The following CACNA1B variants were observed in gnomAD, a reference collection of about 807,000 sequenced individuals.
The protein encoded by CACNA1B is voltage-dependent N-type calcium channel subunit alpha-1B.
In CACNA1B, 70 loss-of-function variants were observed where a neutral mutation model predicts 247.2. The ratio of observed to expected loss-of-function variants is 0.28; its 90% CI spans 0.23 to 0.35. CACNA1B has a LOEUF of 0.35. CACNA1B is among the 10% of genes least tolerant of loss of function. The probability of loss-of-function intolerance (pLI) is 1.00; values close to 1 mark genes in which losing one functional copy is unlikely to be tolerated. For synonymous variants in CACNA1B, 1,231 were observed against 1,294.4 expected, an observed-to-expected ratio of 0.95 and a Z score of 1.05; for missense variants, 2,367 against 3,197.4, an observed-to-expected ratio of 0.74 and a Z score of 6.26.
chr9:138,081,527 G>A (rs996867935), intron 36 of CACNA1B, among the ~76,000 whole-genome samples: 5 of 144,286 alleles, frequency 3.5e-5, no homozygotes, highest in African/African-American at 8.2e-5. Context: ...GCAGGACTTC[G>A]TTAGGTTGGG....
chr9:138,051,626 T>G lies in CACNA1B; in HGVS notation c.3711-466T>G, dbSNP rs965337118. On this transcript the variant is annotated intron_variant, in intron 24 of 46. Coordinates refer to ENST00000371372, the MANE Select transcript of CACNA1B (RefSeq NM_000718.4). This position sits in a 1 kb window ranked among gnomAD's most constrained non-coding sequence, Gnocchi z 4.3. The stretch of plus-strand genomic sequence containing the variant: ...TCAGCGGGAGGAATGTTAGGACGGC[T>G]GAGGAGATCTGTAGGGCAGAGGCCA... Among the ~76,000 whole-genome samples, 3 of 151,968 alleles carry G rather than the reference T, an allele frequency of 2.0e-5. No homozygotes were observed. Among genetic ancestry groups the G allele is most frequent in the African/African-American group, 7.3e-5 (3 of 41,364 alleles).
At chr9:137,912,424 G>A (rs1467363701) in intron 3 of CACNA1B, among the ~76,000 whole-genome samples, 4 of 152,244 alleles carry the variant, frequency 2.6e-5, no homozygotes, top group Admixed American at 6.5e-5. Flanking sequence ...GCTTGAGGTA[G>A]CATTTCAGTG....
chr9:138,090,723 A>AAAAAAAAAAAAAAAAAT (rs1960848699), intron 36 of CACNA1B, among the ~76,000 whole-genome samples: 1 of 149,132 alleles, frequency 6.7e-6, no homozygotes. Context: ...AAAAAAAAAA[A>AAAAAAAAAAAAAAAAAT]AAAAAAAAAA....
intron 20 of CACNA1B, among the ~76,000 whole-genome samples, chr9:138,037,494 A>G (rs1274743453): frequency 6.6e-6 from 1 of 152,148 alleles, no homozygotes; most frequent in Admixed American, 6.5e-5. Context: ...CCCCATCTGT[A>G]CTAAAAATAC....
chr9:138,006,682 G>A (rs761062711), intron 15 of CACNA1B, 85 bp from the exon 16 acceptor site: 1 of 748,122 alleles, frequency 1.3e-6, no homozygotes, highest in Non-Finnish European at 2.4e-6. Flanking sequence ...ACGTGGCGGT[G>A]CACATGCACT....
intron 3 of CACNA1B, among the ~76,000 whole-genome samples, chr9:137,907,667 A>G (rs992386560): frequency 6.6e-6 from 1 of 152,206 alleles, no homozygotes; most frequent in Non-Finnish European, 1.5e-5. Context: ...CTACATTCAG[A>G]AAACCAATTC....
rs1960205589 is a variant in CACNA1B at position 138,073,538 on chromosome 9, G to A, written c.4725G>A (p.Leu1575=). 9.9e-6 allele frequency: 16 copies of A among 1,613,584 alleles called. No homozygotes were observed. Among genetic ancestry groups the A allele is most frequent in the Non-Finnish European group, 1.3e-5 (15 of 1,179,612 alleles). Residue 1575 remains leucine, a synonymous_variant, in exon 33 of 47, where the codon CTG becomes CTA. Coordinates refer to ENST00000371372, the MANE Select transcript of CACNA1B (RefSeq NM_000718.4). This position sits in a 1 kb window ranked among gnomAD's most constrained non-coding sequence, Gnocchi z 6.4. The part of the protein sequence containing the change: ...SFLRLFRAAR[L]IKLLRQGYTI... ...TCCGCCTCTTTCGAGCTGCGCGGCT[G>A]ATCAAGCTGCTCCGCCAGGGCTACA...
rs541095710 is a variant in CACNA1B, at chr9:137,927,867, C to G, written c.966+10436C>G. ...TTTGAATGGGTGTTGAATTTTGTCA[C>G]ATGTGTTTTCTGCACTGATATGATC... is the stretch of plus-strand genomic sequence containing the variant. On this transcript the variant is annotated intron_variant, in intron 6 of 46. Transcript: ENST00000371372. Among the ~76,000 whole-genome samples the G allele has an allele frequency of 2.6e-5, 4 of 152,260 alleles. No individual in the cohort carries two copies. In the East Asian group the frequency reaches 5.8e-4, roughly 22 times the overall value.
intron 41 of CACNA1B, among the ~76,000 whole-genome samples, chr9:138,114,883 A>G (rs1222850321): frequency 6.6e-6 from 1 of 152,198 alleles, no homozygotes; most frequent in African/African-American, 2.4e-5. Flanking sequence ...AGATAGGTAC[A>G]GGATCATTGT....
chr9:138,111,339 C>T (rs763322638), intron 39 of CACNA1B, among the ~76,000 whole-genome samples: 6 of 152,308 alleles, frequency 3.9e-5, no homozygotes, highest in South Asian at 2.1e-4. Flanking sequence ...GCTACAGTTG[C>T]GTGTGGCAAT....
intron 36 of CACNA1B, among the ~76,000 whole-genome samples, chr9:138,083,062 C>G (rs531826010): frequency 1.3e-5 from 2 of 151,106 alleles, no homozygotes; most frequent in South Asian, 4.2e-4. Context: ...CTCGGGTCCC[C>G]TGCAGTCCTC....
chr9:137,950,437 G>C lies in CACNA1B; in HGVS notation c.967-1837G>C, dbSNP rs1055013997. Among the ~76,000 whole-genome samples, 1 of 152,184 alleles carries C rather than the reference G, an allele frequency of 6.6e-6. No homozygotes were observed. Among genetic ancestry groups the C allele is most frequent in the Non-Finnish European group, 1.5e-5 (1 of 68,030 alleles). On this transcript the variant is annotated intron_variant, in intron 6 of 46. Coordinates refer to ENST00000371372, the MANE Select transcript of CACNA1B (RefSeq NM_000718.4). This position sits in a 1 kb window ranked among gnomAD's most constrained non-coding sequence, Gnocchi z 4.8. ...AGTACCGCGGAGGTGGGCTTGGGCT[G>C]GGGGGCCGTGATAACCCCTGCTGAG...
chr9:138,110,978 TAA>T (rs35447490), intron 39 of CACNA1B, among the ~76,000 whole-genome samples: 6 of 143,878 alleles, frequency 4.2e-5, no homozygotes, highest in Admixed American at 7.0e-5. Flanking sequence ...ATCCAGAATT[TAA>T]AAAAAAAAAA....
At chr9:138,076,914 C>G (rs1033636239) in intron 35 of CACNA1B, among the ~76,000 whole-genome samples, 1 of 152,254 alleles carries the variant, frequency 6.6e-6, no homozygotes, top group Admixed American at 6.5e-5. Flanking sequence ...ATAACATAAG[C>G]AAGCACCCTT....
chr9:137,883,134 T>A (rs1164314249), intron 3 of CACNA1B: 4 of 499,144 alleles, frequency 8.0e-6, no homozygotes, highest in Non-Finnish European at 1.5e-5. Context: ...AGGCGCTGGC[T>A]TGCAGAGCGC....
In CACNA1B at chr9:137,948,422, G is replaced by A. The variant is rs563049230; in HGVS notation, c.967-3852G>A. The stretch of plus-strand genomic sequence containing the variant: ...CCTTATCAGAATGGATAATTCTATC[G>A]TTCTTTGTTTTCTTACTGTTCACTG... On this transcript the variant is annotated intron_variant, in intron 6 of 46. Transcript: ENST00000371372. 4.1e-4 allele frequency among the ~76,000 whole-genome samples: 62 copies of A among 152,124 alleles called. 1 individual carries two copies. In the South Asian group the frequency reaches 7.5e-3, roughly 18 times the overall value.
chr9:138,024,782 G>A (rs1022346945), intron 19 of CACNA1B, among the ~76,000 whole-genome samples, 173 bp from the exon 20 acceptor site: 1 of 152,146 alleles, frequency 6.6e-6, no homozygotes, highest in Non-Finnish European at 1.5e-5. Flanking sequence ...CTACATGCAC[G>A]TGTCACCACG....
At chr9:138,105,128 G>A (rs776780193) in intron 38 of CACNA1B, among the ~76,000 whole-genome samples, 3 of 152,352 alleles carry the variant, frequency 2.0e-5, no homozygotes, top group African/African-American at 4.8e-5. Flanking sequence ...TAGTGACATC[G>A]AGCATCTCTC....
In CACNA1B at chr9:138,081,786, A is replaced by G. The variant is rs73575863; in HGVS notation, c.5094+3528A>G. Among the ~76,000 whole-genome samples the G allele has an allele frequency of 1.0e-2, 1,508 of 151,258 alleles. 84 individuals are homozygous for G. The highest frequency in any genetic ancestry group is 0.036 in the African/African-American group (1,453 of 40,904). ...AAGCTTTTGAAATGGACAAATTCCTAGAAAGACACAAATTATCATAACTGA... is the reference window on the plus strand; with the variant it reads ...AAGCTTTTGAAATGGACAAATTCCTGGAAAGACACAAATTATCATAACTGA... On this transcript the variant is annotated intron_variant, in intron 36 of 46. Transcript: ENST00000371372.
Sources: allele counts gnomAD v4.1 joint callset (sites outside exome capture counted in the v4.1 genomes callset), GRCh38; gene constraint gnomAD v4.1.1; non-coding constraint Gnocchi (gnomAD v3.1); transcripts MANE v1.5; gene names NCBI Gene and HGNC (gene_info 2026-07-23, HGNC 2026-07-21).